Variants in NEDD4L observed in about 807,000 individuals in gnomAD.
The protein encoded by NEDD4L is E3 ubiquitin-protein ligase NEDD4-like.
A neutral mutation model predicts 148.9 loss-of-function variants in NEDD4L; 54 were observed. The observed-to-expected ratio is 0.36, with a 90% CI of 0.29 to 0.45. The LOEUF (loss-of-function observed/expected upper bound fraction) is 0.45. Ranked by LOEUF, NEDD4L falls within the 20% of genes least tolerant of loss-of-function variation. The probability of loss-of-function intolerance (pLI) is 1.00; values close to 1 mark genes in which losing one functional copy is unlikely to be tolerated. For missense variants in NEDD4L, 856 were observed against 1,233.8 expected (o/e 0.69, Z 4.59); for synonymous variants, 433 against 440.7 (o/e 0.98, Z 0.22).
At chr18:58,185,759 G>T (rs2039397462) in intron 2 of NEDD4L, among the ~76,000 whole-genome samples, 1 of 152,078 alleles carries the variant, frequency 6.6e-6, no homozygotes, top group African/African-American at 2.4e-5. Flanking sequence ...TGTAATCCCA[G>T]CTACTCGGGA....
chr18:58,328,332 T>C (rs900371822), intron 9 of NEDD4L, among the ~76,000 whole-genome samples: 3 of 152,190 alleles, frequency 2.0e-5, no homozygotes, highest in Non-Finnish European at 2.9e-5. Context: ...TGACAAAAAA[T>C]AGGGTATGAT....
intron 24 of NEDD4L, among the ~76,000 whole-genome samples, chr18:58,378,652 G>T (rs2047903846): frequency 6.6e-6 from 1 of 152,170 alleles, no homozygotes; most frequent in Admixed American, 6.5e-5. Context: ...GGAGTGATGG[G>T]GGTGCAGGGT....
At chr18:58,232,019 A>G (rs1268586998) in intron 2 of NEDD4L, among the ~76,000 whole-genome samples, 3 of 152,162 alleles carry the variant, frequency 2.0e-5, no homozygotes, top group Non-Finnish European at 4.4e-5. Flanking sequence ...GTTCTATGTA[A>G]ATTATCTTGA....
intron 1 of NEDD4L, among the ~76,000 whole-genome samples, chr18:58,159,488 G>T (rs1013943542): frequency 3.9e-5 from 6 of 152,048 alleles, no homozygotes; most frequent in African/African-American, 1.4e-4. Context: ...TCGCGGTAGG[G>T]GGTACGTAGG....
chr18:58,221,521 C>A (rs2043771043), intron 2 of NEDD4L: 3 of 983,648 alleles, frequency 3.0e-6, no homozygotes, highest in South Asian at 9.4e-5. Context: ...TTCTACCTGT[C>A]ATTGAAGTGA....
chr18:58,177,324 CT>C (rs1264951583), intron 2 of NEDD4L, among the ~76,000 whole-genome samples: 1 of 152,040 alleles, frequency 6.6e-6, no homozygotes, highest in Non-Finnish European at 1.5e-5. Flanking sequence ...AGGTTGCCAA[CT>C]TGAGATGAGT....
At chr18:58,374,747 C>G (rs1012000492) in intron 24 of NEDD4L, among the ~76,000 whole-genome samples, 1 of 152,212 alleles carries the variant, frequency 6.6e-6, no homozygotes, top group Non-Finnish European at 1.5e-5. Flanking sequence ...CCCCTCCCCA[C>G]TGGTCTCCAG....
intron 2 of NEDD4L, among the ~76,000 whole-genome samples, chr18:58,202,063 C>G (rs777542599): frequency 1.3e-5 from 2 of 152,194 alleles, no homozygotes; most frequent in African/African-American, 2.4e-5. Context: ...TCCTCTCTTG[C>G]CTTGAAGATG....
intron 5 of NEDD4L, among the ~76,000 whole-genome samples, chr18:58,280,878 G>A (rs1356565463): frequency 6.6e-6 from 1 of 152,106 alleles, no homozygotes; most frequent in East Asian, 1.9e-4. Context: ...ATGTAATTTG[G>A]TAAAAGATTA....
chr18:58,375,125 A>G (rs1019686282), intron 24 of NEDD4L, among the ~76,000 whole-genome samples: 1 of 150,854 alleles, frequency 6.6e-6, no homozygotes. Context: ...CTCTCTCCTC[A>G]TGCCATCTCC....
In NEDD4L at chr18:58,064,360, C is replaced by A. The variant is rs1343707369; in HGVS notation, c.48+19652C>A. 2.0e-5 allele frequency among the ~76,000 whole-genome samples: 3 copies of A among 152,184 alleles called. No homozygotes were observed. In the East Asian group the frequency reaches 5.8e-4, roughly 29 times the overall value. ...TCACTATAACACCGTAACAAACATG[C>A]AAATTTGTTACAAATCTAATTCTCA... On this transcript the variant is annotated intron_variant, in intron 1 of 30. Transcript: ENST00000400345.
intron 2 of NEDD4L, among the ~76,000 whole-genome samples, chr18:58,177,376 A>G (rs548192465): frequency 6.6e-6 from 1 of 152,320 alleles, no homozygotes; most frequent in East Asian, 1.9e-4. Context: ...ACAATGAGGA[A>G]AATATTTATT....
At chr18:58,118,247 C>G (rs898693753) in intron 1 of NEDD4L, among the ~76,000 whole-genome samples, 2 of 152,270 alleles carry the variant, frequency 1.3e-5, no homozygotes, top group African/African-American at 4.8e-5. Flanking sequence ...TCTTACGTAT[C>G]CTGCCGGATT....
intron 22 of NEDD4L, among the ~76,000 whole-genome samples, 186 bp downstream of exon 22, chr18:58,368,053 C>T (rs1461864081): frequency 6.6e-6 from 1 of 152,132 alleles, no homozygotes; most frequent in South Asian, 2.1e-4. Flanking sequence ...GACATAGTGT[C>T]TACACACAGT....
chr18:58,187,099 C>G (rs531625057), intron 2 of NEDD4L, among the ~76,000 whole-genome samples: 1 of 152,098 alleles, frequency 6.6e-6, no homozygotes. Context: ...TAGGAAGGGC[C>G]GAGCATGAAG....
intron 1 of NEDD4L, among the ~76,000 whole-genome samples, chr18:58,106,006 A>G (rs765043115): frequency 3.9e-5 from 6 of 152,290 alleles, no homozygotes; most frequent in Non-Finnish European, 7.3e-5. Flanking sequence ...TGATTACTGC[A>G]TCAGCTAGCA....
chr18:58,091,120 A>G (rs2084047614), intron 1 of NEDD4L: 1 of 152,182 alleles, frequency 6.6e-6, no homozygotes, highest in Admixed American at 6.6e-5. Context: ...CCTTCCTTCC[A>G]CCATGCAAGC....
intron 2 of NEDD4L, among the ~76,000 whole-genome samples, chr18:58,221,244 A>G (rs2043728625): frequency 6.6e-6 from 1 of 152,176 alleles, no homozygotes. Flanking sequence ...GGAAATGCCA[A>G]AATCTCTGAT....
chr18:58,330,765 A>T lies in NEDD4L; in HGVS notation c.841A>T (p.Asn281Tyr). ...TTGGGAGACCATTTCAGAGGAAGTG[A>T]ATATCGCTGGAGACTCTCTCGGTCT... ...EPWETISEEV[N>Y]IAGDSLGLAL... Residue 281 changes from asparagine to tyrosine, a missense_variant, in exon 11 of 31, where the codon AAT (asparagine) becomes TAT (tyrosine). By Grantham distance (143) the Asn-to-Tyr change is moderately radical (BLOSUM62 -2). Coordinates refer to ENST00000400345, the MANE Select transcript of NEDD4L (RefSeq NM_001144967.3). The T allele has an allele frequency of 6.2e-7, 1 of 1,607,214 alleles. No individual in the cohort carries two copies. Among genetic ancestry groups the T allele is most frequent in the South Asian group, 1.1e-5 (1 of 90,210 alleles).
Sources: gnomAD v4.1 joint callset for allele counts (sites outside exome capture counted in the v4.1 genomes callset) on GRCh38, gnomAD v4.1.1 for gene constraint, MANE v1.5 for transcripts, NCBI Gene and HGNC (gene_info 2026-07-23, HGNC 2026-07-21) for gene names.